Variants in RASSF8 observed in about 807,000 individuals in gnomAD.
RASSF8 encodes the protein Ras association domain family member 8.
A neutral mutation model predicts 48.5 loss-of-function variants in RASSF8; 22 were observed. The ratio of observed to expected loss-of-function variants is 0.45; its 90% CI spans 0.32 to 0.65. RASSF8 has a LOEUF of 0.65. RASSF8 is among the 30% of genes least tolerant of loss of function. RASSF8 has a pLI of 0.03. For missense variants in RASSF8, 418 were observed against 489.2 expected, an observed-to-expected ratio of 0.85 and a Z score of 1.37; for synonymous variants, 127 against 171.5, an observed-to-expected ratio of 0.74 and a Z score of 2.03.
At chr12:25,971,599 AG>A (rs1286817802) in intron 1 of RASSF8, among the ~76,000 whole-genome samples, 1 of 152,144 alleles carries the variant, frequency 6.6e-6, no homozygotes, top group Non-Finnish European at 1.5e-5. Flanking sequence ...GAAGAAGAAA[AG>A]TATTTTTTCA....
chr12:26,012,057 G>T (rs1337597620), intron 2 of RASSF8, among the ~76,000 whole-genome samples: 1 of 152,152 alleles, frequency 6.6e-6, no homozygotes, highest in East Asian at 1.9e-4. Context: ...AATGTGTATT[G>T]TTTTTCTTTA....
At chr12:25,961,532 T>G (rs533093980) in intron 1 of RASSF8, among the ~76,000 whole-genome samples, 12 of 152,320 alleles carry the variant, frequency 7.9e-5, no homozygotes, top group South Asian at 2.1e-4. Flanking sequence ...AAAGAATGTT[T>G]ACCCCACTGC....
At chr12:26,012,151 T>G (rs1399287608) in intron 2 of RASSF8, among the ~76,000 whole-genome samples, 1 of 152,188 alleles carries the variant, frequency 6.6e-6, no homozygotes, top group Non-Finnish European at 1.5e-5. Flanking sequence ...TCTAATGAAG[T>G]GTGTGATCTT....
rs368757629 is a variant in RASSF8, at chr12:25,990,236, G to C, written c.-202-4801G>C. On this transcript the variant is annotated intron_variant, in intron 1 of 5. Coordinates refer to ENST00000689635, the MANE Select transcript of RASSF8 (RefSeq NM_001394098.1). ...AAGCATAAGGGGCTTATTTCATGAA[G>C]GCTTCCTGGATATCCACCAGCCATT... Among the ~76,000 whole-genome samples the C allele has an allele frequency of 7.9e-5, 12 of 152,266 alleles. No homozygotes were observed. The East Asian group carries it at 2.1e-3, about 27-fold the overall frequency.
In RASSF8 at chr12:26,065,002, A is replaced by T; in HGVS notation, c.608A>T (p.Glu203Val). ...FWEQKYNSNLEEEIVRLEQKI... is the reference protein window; with the variant it reads ...FWEQKYNSNLVEEIVRLEQKI... ...GAGCAAAAGTATAATTCCAACCTTGAAGAGGAAATTGTCCGTCTAGAGCAA... is the reference window on the plus strand; with the variant it reads ...GAGCAAAAGTATAATTCCAACCTTGTAGAGGAAATTGTCCGTCTAGAGCAA... The change falls in exon 4 of 6, where the codon GAA becomes GTA. Residue 203 changes from glutamate (E) to valine (V), a missense_variant. Coordinates refer to ENST00000689635, the MANE Select transcript of RASSF8 (RefSeq NM_001394098.1). The T allele has an allele frequency of 6.2e-7, 1 of 1,613,058 alleles. No individual in the cohort carries two copies. Among genetic ancestry groups the T allele is most frequent in the Non-Finnish European group, 8.5e-7 (1 of 1,179,728 alleles).
chr12:26,074,589 C>T (rs1006784904), downstream of RASSF8, among the ~76,000 whole-genome samples: 16 of 151,972 alleles, frequency 1.1e-4, no homozygotes, highest in Admixed American at 5.2e-4. Flanking sequence ...GTGTTCCACC[C>T]GCCTCGTCCT....
chr12:26,058,528 ACGCG>A (rs752959327), intron 3 of RASSF8, among the ~76,000 whole-genome samples: 1 of 82,228 alleles, frequency 1.2e-5, no homozygotes, highest in Non-Finnish European at 2.6e-5. Context: ...ACACATGCGC[ACGCG>A]CGCGCGCACA....
At chr12:26,038,756 T>C (rs886983486) in intron 2 of RASSF8, among the ~76,000 whole-genome samples, 1 of 152,102 alleles carries the variant, frequency 6.6e-6, no homozygotes, top group South Asian at 2.1e-4. Context: ...GACATTGTTT[T>C]TGTTGGTTTT....
At chr12:26,014,623 T>C (rs1352070701) in intron 2 of RASSF8, among the ~76,000 whole-genome samples, 2 of 144,614 alleles carry the variant, frequency 1.4e-5, no homozygotes, top group Non-Finnish European at 2.9e-5. Flanking sequence ...TTGAAAATTA[T>C]TTTTCAAATA....
chr12:26,015,206 C>CAAA (rs11369240), intron 2 of RASSF8, among the ~76,000 whole-genome samples: 2 of 133,178 alleles, frequency 1.5e-5, no homozygotes, highest in East Asian at 2.2e-4. Context: ...GATCCCGTCT[C>CAAA]AAAAAAAAAA....
chr12:25,994,282 A>T (rs115233878), intron 1 of RASSF8, among the ~76,000 whole-genome samples: 2,130 of 148,108 alleles, frequency 0.014, 39 homozygotes, highest in African/African-American at 0.05. Flanking sequence ...GATTTTTAAA[A>T]AAAAAAAAAA....
In RASSF8 at chr12:26,024,610, CTG is replaced by C. The variant is rs1407391898; in HGVS notation, c.-109+29482_-109+29483del. Among the ~76,000 whole-genome samples, 4 of 152,308 alleles carry C rather than the reference CTG, an allele frequency of 2.6e-5. No individual in the cohort carries two copies. The South Asian group carries it at 6.2e-4, about 24-fold the overall frequency. On this transcript the variant is annotated intron_variant, in intron 2 of 5. Transcript: ENST00000689635. Reference sequence around the variant, plus strand: ...AGCAGTGTATAAAAATGACTGTACACTGTAACCAAGTGAGATTTTTCCTAGGA... The same window carrying C: ...AGCAGTGTATAAAAATGACTGTACACTAACCAAGTGAGATTTTTCCTAGGA...
At chr12:26,016,010 CTTTATT>C (rs1942640943) in intron 2 of RASSF8, among the ~76,000 whole-genome samples, 2 of 152,066 alleles carry the variant, frequency 1.3e-5, no homozygotes, top group Non-Finnish European at 2.9e-5. Context: ...CACTAATTAT[CTTTATT>C]TTTAACCTGT....
intron 1 of RASSF8, among the ~76,000 whole-genome samples, chr12:25,973,340 G>A (rs943338037): frequency 1.3e-5 from 2 of 152,150 alleles, no homozygotes; most frequent in African/African-American, 4.8e-5. Flanking sequence ...TGAAACAGAT[G>A]TGGTGCATGC....
chr12:25,989,712 A>G (rs1053474920), intron 1 of RASSF8, among the ~76,000 whole-genome samples: 2 of 152,214 alleles, frequency 1.3e-5, no homozygotes, highest in Admixed American at 1.3e-4. Context: ...TTTAATAACA[A>G]ATCATAAGAC....
intron 1 of RASSF8, among the ~76,000 whole-genome samples, chr12:25,968,632 T>C (rs706526): frequency 0.14 from 21,155 of 152,178 alleles, 1,786 homozygotes; most frequent in East Asian, 0.27. Flanking sequence ...GCATGAGCCA[T>C]CGCACCCAGC....
At chr12:26,037,162 C>T (rs1382157105) in intron 2 of RASSF8, among the ~76,000 whole-genome samples, 3 of 152,140 alleles carry the variant, frequency 2.0e-5, no homozygotes, top group African/African-American at 7.2e-5. Flanking sequence ...GTGCTGTACC[C>T]AGGGCGGGGC....
chr12:25,982,248 TA>T (rs1318113168), intron 1 of RASSF8, among the ~76,000 whole-genome samples: 1 of 152,208 alleles, frequency 6.6e-6, no homozygotes, highest in Non-Finnish European at 1.5e-5. Flanking sequence ...TTTAATAGCT[TA>T]AAACAATGAC....
At chr12:25,978,992 A>G (rs1031555707) in intron 1 of RASSF8, among the ~76,000 whole-genome samples, 2 of 152,182 alleles carry the variant, frequency 1.3e-5, no homozygotes, top group East Asian at 3.8e-4. Context: ...AGTTAAATGT[A>G]GCACATTTGA....
Sources: gnomAD v4.1 joint callset for allele counts (sites outside exome capture counted in the v4.1 genomes callset) on GRCh38, gnomAD v4.1.1 for gene constraint, MANE v1.5 for transcripts, NCBI Gene and HGNC (gene_info 2026-07-23, HGNC 2026-07-21) for gene names.